Variants in KCNN2 observed in about 807,000 individuals in gnomAD.
KCNN2 encodes the protein small conductance calcium-activated potassium channel protein 2.
Under a neutral mutation model 55.5 loss-of-function variants are expected in KCNN2, and 24 were observed. The observed-to-expected ratio is 0.43, with a 90% CI of 0.31 to 0.61. The LOEUF is 0.61. Ranked by LOEUF, KCNN2 falls within the 20% of genes least tolerant of loss-of-function variation. The pLI is 0.08. For synonymous variants in KCNN2, 431 were observed against 336.1 expected (o/e 1.28, Z -3.09); for missense variants, 754 against 853.6 (o/e 0.88, Z 1.45).
At chr5:114,470,304 T>C (rs1761663019) in intron 4 of KCNN2, among the ~76,000 whole-genome samples, 2 of 152,208 alleles carry the variant, frequency 1.3e-5, no homozygotes, top group Non-Finnish European at 1.5e-5. Flanking sequence ...TAGCTGTCTC[T>C]GCAGTAGTTA....
At chr5:114,338,869 T>A (rs1756970161) in intron 2 of KCNN2, among the ~76,000 whole-genome samples, 1 of 152,222 alleles carries the variant, frequency 6.6e-6, no homozygotes, top group Non-Finnish European at 1.5e-5. Flanking sequence ...TCTGTTGATT[T>A]TCAGTGCACC....
chr5:114,475,843 A>T (rs1338545070), intron 5 of KCNN2, among the ~76,000 whole-genome samples: 1 of 152,074 alleles, frequency 6.6e-6, no homozygotes, highest in Non-Finnish European at 1.5e-5. Context: ...TCCCAAACTG[A>T]CAAAGTTTTC....
At chr5:114,452,810 CTCTT>C (rs1214845548) in intron 3 of KCNN2, among the ~76,000 whole-genome samples, 1 of 152,208 alleles carries the variant, frequency 6.6e-6, no homozygotes, top group Non-Finnish European at 1.5e-5. Context: ...GACACGTTAG[CTCTT>C]TCTTCTGAGC....
At chr5:114,470,955 A>T (rs1290986076) in intron 4 of KCNN2, among the ~76,000 whole-genome samples, 2 of 152,218 alleles carry the variant, frequency 1.3e-5, no homozygotes, top group East Asian at 3.9e-4. Flanking sequence ...TCTCCAAGTG[A>T]TTCTATAGTC....
At chr5:114,181,505 C>T (rs1246021772) in intron 1 of KCNN2, among the ~76,000 whole-genome samples, 2 of 151,958 alleles carry the variant, frequency 1.3e-5, no homozygotes, top group African/African-American at 4.8e-5. Flanking sequence ...AGATATTTGC[C>T]CATTAATTTC....
At chr5:114,275,329 C>T (rs993858119) in intron 2 of KCNN2, among the ~76,000 whole-genome samples, 1 of 152,118 alleles carries the variant, frequency 6.6e-6, no homozygotes. Context: ...GCTTTGGTGT[C>T]AGGATGATGC....
intron 4 of KCNN2, among the ~76,000 whole-genome samples, chr5:114,464,850 A>T (rs1365794122): frequency 6.7e-6 from 1 of 149,896 alleles, no homozygotes; most frequent in Non-Finnish European, 1.5e-5. Context: ...TTTGTTTACT[A>T]TTGGATCACT....
At chr5:114,121,474 C>T (rs1253217954) in intron 1 of KCNN2, among the ~76,000 whole-genome samples, 1 of 152,268 alleles carries the variant, frequency 6.6e-6, no homozygotes, top group East Asian at 1.9e-4. Flanking sequence ...TGTATACGGA[C>T]CTATATACTG....
chr5:114,209,084 T>A (rs1753827182), intron 1 of KCNN2, among the ~76,000 whole-genome samples: 2 of 149,990 alleles, frequency 1.3e-5, no homozygotes, highest in South Asian at 2.1e-4. Flanking sequence ...TGAGACAGGG[T>A]CTCGCTCTGT....
intron 4 of KCNN2, among the ~76,000 whole-genome samples, chr5:114,470,952 G>A (rs1289017477): frequency 6.6e-6 from 1 of 152,170 alleles, no homozygotes; most frequent in Non-Finnish European, 1.5e-5. Context: ...AACTCTCCAA[G>A]TGATTCTATA....
At position 114,126,230 on chromosome 5, in the gene KCNN2, T is replaced by C. The variant is rs568917702; in HGVS notation, c.-271+69730T>C. On this transcript the variant is annotated intron_variant, in intron 1 of 10. Transcript: ENST00000512097. Reference sequence around the variant, plus strand: ...CTTAATTAGCCCTGGAAAGACCCTATTGCTGAATAAGGTCACTATATTACT... The same window carrying C: ...CTTAATTAGCCCTGGAAAGACCCTACTGCTGAATAAGGTCACTATATTACT... Among the ~76,000 whole-genome samples, 23 of 152,230 alleles carry C rather than the reference T, an allele frequency of 1.5e-4. No homozygotes were observed. In the South Asian group the frequency reaches 3.7e-3, roughly 25 times the overall value.
rs146730757 is a variant in KCNN2 at position 114,234,620 on chromosome 5, G to A, written c.-185+13055G>A. On this transcript the variant is annotated intron_variant, in intron 2 of 10. Transcript: ENST00000512097. ...GGACATTGTTCCAAAAATACACTGT[G>A]CTGCTTCCTTCACGGTTGTTGAGAA... Among the ~76,000 whole-genome samples the A allele has an allele frequency of 2.3e-3, 344 of 152,274 alleles. 2 individuals carry two copies. The highest frequency in any genetic ancestry group is 8.1e-3 in the African/African-American group (337 of 41,552).
chr5:114,103,429 C>A lies in KCNN2; in HGVS notation c.-271+46929C>A, dbSNP rs554643125. ...GAATACTCTTTATTTCTTTCTCTTG[C>A]CTGATTACCCTGGCCAGAACTTCCA... On this transcript the variant is annotated intron_variant, in intron 1 of 10. Transcript: ENST00000512097. Among the ~76,000 whole-genome samples the A allele has an allele frequency of 1.1e-4, 17 of 152,170 alleles. 1 individual carries two copies. The East Asian group carries it at 3.3e-3, about 29-fold the overall frequency.
chr5:114,311,153 A>G (rs1459325984), intron 2 of KCNN2, among the ~76,000 whole-genome samples: 1 of 152,060 alleles, frequency 6.6e-6, no homozygotes, highest in African/African-American at 2.4e-5. Context: ...AAGCATGTAT[A>G]TATATATTTT....
intron 2 of KCNN2, among the ~76,000 whole-genome samples, chr5:114,289,425 A>T (rs60972484): frequency 2.0e-5 from 3 of 146,664 alleles, no homozygotes; most frequent in African/African-American, 7.6e-5. Context: ...CCAAGCATGG[A>T]GTACAGTGGG....
intron 2 of KCNN2, among the ~76,000 whole-genome samples, chr5:114,334,302 GTGTGTGTA>G (rs1488934807): frequency 4.8e-4 from 68 of 140,854 alleles, no homozygotes; most frequent in African/African-American, 1.7e-3. Context: ...GTGTGTGTGT[GTGTGTGTA>G]TAAGGCTCTG....
chr5:114,298,080 C>A (rs62382905), intron 2 of KCNN2, among the ~76,000 whole-genome samples: 15,533 of 152,190 alleles, frequency 0.1, 981 homozygotes, highest in Middle Eastern at 0.21. Flanking sequence ...TTAAAAGGTA[C>A]CTGATACTAA....
chr5:114,474,017 T>C (rs747221950), intron 5 of KCNN2, among the ~76,000 whole-genome samples: 1 of 152,190 alleles, frequency 6.6e-6, no homozygotes, highest in Non-Finnish European at 1.5e-5. Flanking sequence ...CATCTTGCTG[T>C]GTAACTACTG....
At chr5:114,077,342 C>T (rs1050710021) in intron 1 of KCNN2, among the ~76,000 whole-genome samples, 5 of 152,220 alleles carry the variant, frequency 3.3e-5, no homozygotes, top group African/African-American at 9.7e-5. Context: ...TCCAGCGTTA[C>T]GAAGACCACA....
Sources: gnomAD v4.1 joint callset for allele counts (sites outside exome capture counted in the v4.1 genomes callset) on GRCh38, gnomAD v4.1.1 for gene constraint, MANE v1.5 for transcripts, NCBI Gene and HGNC (gene_info 2026-07-23, HGNC 2026-07-21) for gene names.